Variants in CNTNAP3B observed in about 807,000 individuals in gnomAD.
The protein encoded by CNTNAP3B is contactin-associated protein-like 3B.
In CNTNAP3B, 25 loss-of-function variants were observed where a neutral mutation model predicts 108.9. The observed-to-expected ratio is 0.23, with a 90% CI of 0.17 to 0.32. The LOEUF is 0.32. Ranked by LOEUF, CNTNAP3B falls within the 10% of genes least tolerant of loss-of-function variation. The pLI is 1.00. For synonymous variants in CNTNAP3B, 103 were observed against 473.4 expected (o/e 0.22, Z 10.16); for missense variants, 252 against 1,210.4 (o/e 0.21, Z 11.75).
chr9:41,957,791 C>T lies in CNTNAP3B; in HGVS notation c.1876+2982G>A, dbSNP rs1353842650. Reference sequence around the variant, plus strand: ...TTTTGGTTTTTTTGAGACAAAATCTCGCTCTGTCACCCAGGCTGGAGTTCA... The same window carrying T: ...TTTTGGTTTTTTTGAGACAAAATCTTGCTCTGTCACCCAGGCTGGAGTTCA... On this transcript the variant is annotated intron_variant, in intron 12 of 23. Transcript: ENST00000377561. Among the ~76,000 whole-genome samples, 14 of 152,380 alleles carry T rather than the reference C, an allele frequency of 9.2e-5. No individual in the cohort carries two copies. The East Asian group carries it at 1.4e-3, about 15-fold the overall frequency.
chr9:42,030,802 A>AGATGTGTGC (rs1826506562), intron 3 of CNTNAP3B, among the ~76,000 whole-genome samples: 2 of 85,160 alleles, frequency 2.3e-5, no homozygotes, highest in African/African-American at 9.9e-5. Flanking sequence ...CGAGAGAGAG[A>AGATGTGTGC]GAGAGAGAGA....
Position 42,097,686 on chromosome 9 carries a change from A to G in CNTNAP3B, c.196+6943T>C, listed in dbSNP as rs1827936500. Among the ~76,000 whole-genome samples, 2 of 137,216 alleles carry G rather than the reference A, an allele frequency of 1.5e-5. 1 individual carries two copies. Among genetic ancestry groups the G allele is most frequent in the African/African-American group, 5.8e-5 (2 of 34,298 alleles). 90.0% of individuals were successfully genotyped at this position (137,216 alleles called of 152,430 possible). A position where few individuals can be genotyped will look rare whatever the true frequency, so the allele number is the denominator to read the frequency against. ...CTTACATTTTGATTTTGTGAAATAT[A>G]TATTGCCTTTACTCCAAAATTTACT... is the stretch of plus-strand genomic sequence containing the variant. On this transcript the variant is annotated intron_variant, in intron 2 of 23. Transcript: ENST00000377561.
chr9:41,969,574 A>T (rs1404637053), intron 10 of CNTNAP3B, among the ~76,000 whole-genome samples: 6 of 151,488 alleles, frequency 4.0e-5, no homozygotes, highest in African/African-American at 1.5e-4. Flanking sequence ...TCTTCTAATA[A>T]AATACTATCA....
In CNTNAP3B at chr9:41,944,689, A is replaced by G. The variant is rs1293143769; in HGVS notation, c.2081-6289T>C. Among the ~76,000 whole-genome samples the G allele has an allele frequency of 1.1e-4, 17 of 151,962 alleles. No homozygotes were observed. The South Asian group carries it at 3.5e-3, about 32-fold the overall frequency. On this transcript the variant is annotated intron_variant, in intron 13 of 23. Coordinates refer to ENST00000377561, the MANE Select transcript of CNTNAP3B (RefSeq NM_001201380.3). ...CAATATGGCAAATATTAATCCAAGTATCAATAATCACTTTAAATGTAAACA... is the reference window on the plus strand; with the variant it reads ...CAATATGGCAAATATTAATCCAAGTGTCAATAATCACTTTAAATGTAAACA...
rs1826155644 is a variant in CNTNAP3B at position 42,012,904 on chromosome 9, T to C, written c.538+474A>G. Among the ~76,000 whole-genome samples, 2 of 95,914 alleles carry C rather than the reference T, an allele frequency of 2.1e-5. 1 individual carries two copies. 62.9% of individuals were successfully genotyped at this position (95,914 alleles called of 152,430 possible). On this transcript the variant is annotated intron_variant, in intron 4 of 23. Transcript: ENST00000377561. The stretch of plus-strand genomic sequence containing the variant: ...AACACAGGTTCCCACCAAGTGAAGA[T>C]CAAGTGAAGCGACAGCATGGTGTGC...
intron 10 of CNTNAP3B, among the ~76,000 whole-genome samples, chr9:41,967,810 G>A (rs1375657155): frequency 6.6e-6 from 1 of 152,176 alleles, no homozygotes; most frequent in African/African-American, 2.4e-5. Flanking sequence ...ATAGTAAATA[G>A]CCTTTATTTG....
intron 13 of CNTNAP3B, among the ~76,000 whole-genome samples, chr9:41,942,490 A>G (rs1824384287): frequency 6.6e-6 from 1 of 151,402 alleles, no homozygotes; most frequent in African/African-American, 2.4e-5. Flanking sequence ...GGGCGCCTGT[A>G]GTCCCAGCTA....
At chr9:42,097,397 T>C (rs954257967) in intron 2 of CNTNAP3B, among the ~76,000 whole-genome samples, 1 of 139,794 alleles carries the variant, frequency 7.2e-6, no homozygotes, top group Admixed American at 7.1e-5. Context: ...TAAAGATGCT[T>C]TTTATATTTG....
At chr9:42,053,816 G>A (rs1431869730) in intron 3 of CNTNAP3B, among the ~76,000 whole-genome samples, 20 of 143,500 alleles carry the variant, frequency 1.4e-4, no homozygotes, top group Non-Finnish European at 2.1e-4. Flanking sequence ...GATTAAAGTC[G>A]CAGACAGAGC....
chr9:41,935,448 T>C (rs1824128629), intron 14 of CNTNAP3B, among the ~76,000 whole-genome samples: 1 of 152,296 alleles, frequency 6.6e-6, no homozygotes, highest in African/African-American at 2.4e-5. Context: ...ACCTCAGTAA[T>C]AGAAAATAAG....
rs1554737297 is a variant in CNTNAP3B, at chr9:41,924,678, C to CAT, written c.2366-586_2366-585insAT. Among the ~76,000 whole-genome samples, 189 of 124,460 alleles carry CAT rather than the reference C, an allele frequency of 1.5e-3. 1 individual carries two copies. Among genetic ancestry groups the CAT allele is most frequent in the African/African-American group, 3.0e-3 (96 of 31,586 alleles). 81.7% of individuals were successfully genotyped at this position (124,460 alleles called of 152,430 possible). A position where few individuals can be genotyped will look rare whatever the true frequency, so the allele number is the denominator to read the frequency against. On this transcript the variant is annotated intron_variant, in intron 15 of 23. Coordinates refer to ENST00000377561, the MANE Select transcript of CNTNAP3B (RefSeq NM_001201380.3). ...ACACACACACACACACACACACACA[C>CAT]ACACACACACACAGTCTTAATTCCT...
chr9:42,119,400 C>T (rs1377876658), intron 1 of CNTNAP3B, among the ~76,000 whole-genome samples: 1 of 133,288 alleles, frequency 7.5e-6, no homozygotes, highest in African/African-American at 3.1e-5. Context: ...AATGGCCATA[C>T]TGCCCAAGGT....
chr9:41,917,396 G>T (rs1370561746), intron 18 of CNTNAP3B, among the ~76,000 whole-genome samples: 1,628 of 95,572 alleles, frequency 0.017, 4 homozygotes, highest in Middle Eastern at 0.051. Context: ...AGCTTAAACT[G>T]ATCCATGCTC....
chr9:41,928,041 T>C (rs1475363385), intron 15 of CNTNAP3B, among the ~76,000 whole-genome samples: 12 of 152,190 alleles, frequency 7.9e-5, no homozygotes, highest in Admixed American at 2.0e-4. Flanking sequence ...TATTTCATTT[T>C]AGAAAAAAAT....
chr9:41,942,040 T>C (rs904732396), intron 13 of CNTNAP3B, among the ~76,000 whole-genome samples: 4 of 152,302 alleles, frequency 2.6e-5, no homozygotes, highest in Non-Finnish European at 5.9e-5. Flanking sequence ...CTAAACCACC[T>C]AGGGGAATGG....
chr9:42,046,796 T>C (rs1267366813), intron 3 of CNTNAP3B, among the ~76,000 whole-genome samples: 1 of 96,086 alleles, frequency 1.0e-5, no homozygotes, highest in Non-Finnish European at 2.2e-5. Context: ...TAGGTAATAA[T>C]GGAAGAAAAT....
At chr9:41,933,407 T>C (rs1173035000) in intron 14 of CNTNAP3B, among the ~76,000 whole-genome samples, 2,690 of 151,020 alleles carry the variant, frequency 0.018, 9 homozygotes, top group African/African-American at 0.063. Flanking sequence ...TACTGAGTCA[T>C]ACTATCCACG....
chr9:41,939,512 C>A (rs565838911), intron 13 of CNTNAP3B, among the ~76,000 whole-genome samples: 4 of 152,276 alleles, frequency 2.6e-5, no homozygotes, highest in African/African-American at 9.6e-5. Context: ...ACAAAAAAAA[C>A]AACGAAAAAA....
intron 2 of CNTNAP3B, among the ~76,000 whole-genome samples, chr9:42,098,038 G>A (rs1322385607): frequency 7.2e-6 from 1 of 138,188 alleles, no homozygotes; most frequent in African/African-American, 2.9e-5. Context: ...AAACGAGGGA[G>A]TGATATCTCT....
Sources: gnomAD v4.1 joint callset for allele counts (sites outside exome capture counted in the v4.1 genomes callset) on GRCh38, gnomAD v4.1.1 for gene constraint, MANE v1.5 for transcripts, NCBI Gene and HGNC (gene_info 2026-07-23, HGNC 2026-07-21) for gene names.